The following NR1D2 variants were observed in gnomAD, a reference collection of about 807,000 sequenced individuals.
The protein encoded by NR1D2 is V-erbA-related protein 1-related.
Under a neutral mutation model 52.2 loss-of-function variants are expected in NR1D2, and 25 were observed. That is an observed-to-expected ratio of 0.48 (90% CI 0.35 to 0.67). The LOEUF is 0.67. NR1D2 is among the 30% of genes least tolerant of loss of function. The pLI is 0.01. For synonymous variants in NR1D2, 259 were observed against 230.1 expected (o/e 1.13, Z -1.14); for missense variants, 681 against 707.2 (o/e 0.96, Z 0.42).
intron 1 of NR1D2, among the ~76,000 whole-genome samples, chr3:23,949,581 G>T (rs1705869751): frequency 6.6e-6 from 1 of 152,188 alleles, no homozygotes; most frequent in Admixed American, 6.5e-5. Context: ...TGTTTCCCCA[G>T]TTGGCCTATA....
At chr3:23,950,982 C>T (rs1267960067) in intron 1 of NR1D2, among the ~76,000 whole-genome samples, 6 of 150,440 alleles carry the variant, frequency 4.0e-5, no homozygotes, top group African/African-American at 1.2e-4. Flanking sequence ...CTCGGCTCAC[C>T]GCAACCTCCG....
At chr3:23,973,618 A>G (rs942482394) in intron 7 of NR1D2, among the ~76,000 whole-genome samples, 1 of 152,224 alleles carries the variant, frequency 6.6e-6, no homozygotes, top group Non-Finnish European at 1.5e-5. Flanking sequence ...ATATGACTGT[A>G]GACTTAATCA....
At chr3:23,959,430 A>G (rs1351389024) in intron 3 of NR1D2, among the ~76,000 whole-genome samples, 1 of 152,072 alleles carries the variant, frequency 6.6e-6, no homozygotes, top group Non-Finnish European at 1.5e-5. Context: ...CTCTGAAGGG[A>G]AGAAGAATTT....
At chr3:23,951,329 T>A (rs967218188) in intron 1 of NR1D2, among the ~76,000 whole-genome samples, 23 of 152,332 alleles carry the variant, frequency 1.5e-4, no homozygotes, top group African/African-American at 5.5e-4. Flanking sequence ...TTTCTTATCT[T>A]TTATTTTCCT....
In NR1D2 at chr3:23,979,348, TAAAC is replaced by T. The variant is rs1392731516; in HGVS notation, c.*1933_*1936del. 1 of 152,068 alleles carries T rather than the reference TAAAC, an allele frequency of 6.6e-6. No homozygotes were observed. Among genetic ancestry groups the T allele is most frequent in the Admixed American group, 6.5e-5 (1 of 15,274 alleles). 9.4% of individuals were successfully genotyped at this position (152,068 alleles called of 1,614,324 possible). A position where few individuals can be genotyped will look rare whatever the true frequency, so the allele number is the denominator to read the frequency against. ...CTTTTTATAATTTTTTTTCCTAAGATAAACAAATGCATAGTTTTCTTCTATGGGT... is the reference window on the plus strand; with the variant it reads ...CTTTTTATAATTTTTTTTCCTAAGATAAATGCATAGTTTTCTTCTATGGGT... On this transcript the variant is annotated 3_prime_UTR_variant, in exon 8 of 8. Transcript: ENST00000312521.
At chr3:23,963,142 T>G in intron 5 of NR1D2, 1 of 544,268 alleles carries the variant, frequency 1.8e-6, no homozygotes, top group South Asian at 1.7e-5. Flanking sequence ...TTCTCAGACT[T>G]CATCTTATGA....
In NR1D2 at chr3:23,977,230, T is replaced by C. The variant is rs1706753264; in HGVS notation, c.1551T>C (p.Ser517=). 1 of 1,580,664 alleles carries C rather than the reference T, an allele frequency of 6.3e-7. No individual in the cohort carries two copies. Reference sequence around the variant, plus strand: ...ATTCCTGATCTCTCTTAGATCGATCTGGAATAGAAAACGTCAACTCTGTGG... The same window carrying C: ...ATTCCTGATCTCTCTTAGATCGATCCGGAATAGAAAACGTCAACTCTGTGG... ...TAVVLVSADR[S]GIENVNSVEA... Residue 517 remains serine, a synonymous_variant, in exon 8 of 8, where the codon TCT becomes TCC. Transcript: ENST00000312521.
At position 23,945,452 on chromosome 3, in the gene NR1D2, C is replaced by T. The variant is rs1165966947; in HGVS notation, c.-127C>T. The T allele has an allele frequency of 2.6e-6, 1 of 388,788 alleles. No individual in the cohort carries two copies. Among genetic ancestry groups the T allele is most frequent in the Admixed American group, 6.0e-5 (1 of 16,662 alleles). The allele number at this position is 388,788 out of a possible 1,614,324, so 24.1% of individuals were successfully genotyped here. ...CTGGGGCCCGGGAGCCCCGCCCGCT[C>T]TGCCCATGAGGGGGCCCCGCGACCA... On this transcript the variant is annotated 5_prime_UTR_variant, in exon 1 of 8. Transcript: ENST00000312521.
chr3:23,970,867 C>T (rs1473028854), intron 7 of NR1D2, among the ~76,000 whole-genome samples: 1 of 152,030 alleles, frequency 6.6e-6, no homozygotes, highest in East Asian at 1.9e-4. Flanking sequence ...CCGCAACCTC[C>T]CTCTCCTAGG....
intron 6 of NR1D2, among the ~76,000 whole-genome samples, 168 bp downstream of exon 6, chr3:23,965,330 C>T (rs940227928): frequency 7.0e-6 from 1 of 142,736 alleles, no homozygotes; most frequent in Non-Finnish European, 1.5e-5. Flanking sequence ...ACCTCTGCTT[C>T]CTGGGTTCAA....
intron 5 of NR1D2, among the ~76,000 whole-genome samples, chr3:23,963,804 A>G (rs552662807): frequency 1.3e-5 from 2 of 151,730 alleles, no homozygotes; most frequent in Admixed American, 1.3e-4. Context: ...TGATTTCATG[A>G]TATTCTCTAT....
intron 7 of NR1D2, among the ~76,000 whole-genome samples, chr3:23,972,197 C>G (rs904395629): frequency 2.0e-5 from 3 of 152,120 alleles, no homozygotes; most frequent in African/African-American, 7.2e-5. Context: ...CACAGTAGAT[C>G]CCTGTGAGCT....
At chr3:23,946,552 T>C (rs1313727977) in intron 1 of NR1D2, 3 of 152,422 alleles carry the variant, frequency 2.0e-5, no homozygotes, top group Non-Finnish European at 4.4e-5. Context: ...ACACACACAG[T>C]CTTAAAAACT....
intron 1 of NR1D2, among the ~76,000 whole-genome samples, chr3:23,948,782 C>T (rs1705847505): frequency 6.6e-6 from 1 of 152,210 alleles, no homozygotes; most frequent in African/African-American, 2.4e-5. Flanking sequence ...CTGTTAACTA[C>T]TGTGCTATAA....
At chr3:23,949,473 A>G (rs1267941694) in intron 1 of NR1D2, among the ~76,000 whole-genome samples, 2 of 152,178 alleles carry the variant, frequency 1.3e-5, no homozygotes, top group Non-Finnish European at 1.5e-5. Flanking sequence ...AGATATTGCA[A>G]CCTTGGATGT....
rs917930141 is a variant in NR1D2 at position 23,962,130 on chromosome 3, A to G, written c.671A>G (p.Gln224Arg). ...CATGAACAGACAGCCTTGCCAGCCC[A>G]GGAACAGCTGCGACCCAAGCCCCAA... ...EHHEQTALPA[Q>R]EQLRPKPQLE... The change falls in exon 5 of 8, where the codon CAG (glutamine) becomes CGG (arginine). Residue 224 changes from glutamine to arginine, a missense_variant. Around this residue, in one of 3 missense-constraint regions of NR1D2, gnomAD observed 475 missense variants for 454.5 expected, o/e 1.05. Coordinates refer to ENST00000312521, the MANE Select transcript of NR1D2 (RefSeq NM_005126.5). 1 of 1,614,206 alleles carries G rather than the reference A, an allele frequency of 6.2e-7. No homozygotes were observed. The highest frequency in any genetic ancestry group is 8.5e-7 in the Non-Finnish European group (1 of 1,180,030).
rs750012280 is a variant in NR1D2 at position 23,949,372 on chromosome 3, AAAAC to A, written c.16+3781_16+3784del. On this transcript the variant is annotated intron_variant, in intron 1 of 7. Transcript: ENST00000312521. The stretch of plus-strand genomic sequence containing the variant: ...AGAGCGAAACTCCGTCTGAAAAAAA[AAAAC>A]AACAAAAAACACACCATTTATTTTT... 9.2e-5 allele frequency among the ~76,000 whole-genome samples: 14 copies of A among 152,150 alleles called. 1 individual carries two copies. The highest frequency in any genetic ancestry group is 4.6e-4 in the Admixed American group (7 of 15,304).
chr3:23,948,375 C>T (rs78678383), intron 1 of NR1D2, among the ~76,000 whole-genome samples: 4,001 of 152,134 alleles, frequency 0.026, 202 homozygotes, highest in African/African-American at 0.092. Context: ...GAAATCTTTC[C>T]TTGGAGCAAG....
intron 4 of NR1D2, among the ~76,000 whole-genome samples, chr3:23,961,058 C>T (rs1012093996): frequency 3.3e-5 from 5 of 151,864 alleles, no homozygotes; most frequent in African/African-American, 1.2e-4. Context: ...TAAAATCTAC[C>T]AAGTTTATTT....
Sources: allele counts gnomAD v4.1 joint callset (sites outside exome capture counted in the v4.1 genomes callset), GRCh38; gene constraint gnomAD v4.1.1; regional missense constraint gnomAD v4.1.1; transcripts MANE v1.5; gene names NCBI Gene and HGNC (gene_info 2026-07-23, HGNC 2026-07-21).